HEATR4: variants seen among roughly 807,000 people sequenced by gnomAD.
HEATR4 encodes HEAT repeat-containing protein 4.
Under a neutral mutation model 108.8 loss-of-function variants are expected in HEATR4, and 95 were observed. The ratio of observed to expected loss-of-function variants is 0.87; its 90% CI spans 0.74 to 1.04. HEATR4 has a LOEUF of 1.04. HEATR4 is among the 50% of genes least tolerant of loss of function. The pLI is 0.00. For synonymous variants in HEATR4, 443 were observed against 459.4 expected (o/e 0.96, Z 0.46); for missense variants, 1,152 against 1,253.8 (o/e 0.92, Z 1.23).
At chr14:73,612,535 C>T in the HEATR4 span, 1 of 1,234,878 alleles carries the variant, frequency 8.1e-7, no homozygotes, top group Non-Finnish European at 1.0e-6. Flanking sequence ...CCACTGACTC[C>T]GCGGAGCTGG....
At chr14:73,515,090 A>C (rs1007898247) in intron 5 of HEATR4, among the ~76,000 whole-genome samples, 1 of 151,998 alleles carries the variant, frequency 6.6e-6, no homozygotes, top group Non-Finnish European at 1.5e-5. Context: ...ACAAAAAAAA[A>C]ACTATAGTTA....
the HEATR4 span, among the ~76,000 whole-genome samples, chr14:73,616,379 G>C: frequency 6.6e-6 from 1 of 151,980 alleles, no homozygotes; most frequent in African/African-American, 2.4e-5. Context: ...GTGCAGTGGT[G>C]TGACAATAAT....
chr14:73,610,581 G>A, the HEATR4 span, among the ~76,000 whole-genome samples: 8 of 152,056 alleles, frequency 5.3e-5, no homozygotes, highest in Non-Finnish European at 8.8e-5. Context: ...ATTAGCCACC[G>A]TGCCCGACCA....
chr14:73,510,584 T>G (rs1329027363), intron 7 of HEATR4, among the ~76,000 whole-genome samples: 1 of 152,132 alleles, frequency 6.6e-6, no homozygotes, highest in Non-Finnish European at 1.5e-5. Context: ...TACAGGCACC[T>G]GTCACCACGC....
At chr14:73,618,143 CA>C in the HEATR4 span, among the ~76,000 whole-genome samples, 4 of 150,008 alleles carry the variant, frequency 2.7e-5, no homozygotes, top group Non-Finnish European at 4.4e-5. Flanking sequence ...AACCCCATCT[CA>C]AAAAAAAACC....
chr14:73,518,760 C>T (rs981482823), intron 5 of HEATR4, among the ~76,000 whole-genome samples: 5 of 152,144 alleles, frequency 3.3e-5, no homozygotes, highest in Admixed American at 6.6e-5. Context: ...TTATTGGTAA[C>T]TAGTGGCCCT....
chr14:73,539,192 C>T (rs1888988011), intron 1 of HEATR4: 1 of 114,504 alleles, frequency 8.7e-6, no homozygotes, highest in African/African-American at 2.8e-5. Flanking sequence ...GCTCCAGCTG[C>T]AGCTGCTGCC....
the HEATR4 span, among the ~76,000 whole-genome samples, chr14:73,621,169 C>T: frequency 1.3e-5 from 2 of 152,022 alleles, no homozygotes; most frequent in Non-Finnish European, 2.9e-5. Flanking sequence ...GCCGAGATCG[C>T]GCCACTGCCC....
At chr14:73,550,295 T>G (rs1455460935) in intron 1 of HEATR4, among the ~76,000 whole-genome samples, 1 of 112,544 alleles carries the variant, frequency 8.9e-6, no homozygotes, top group East Asian at 7.2e-4. Flanking sequence ...GTCAACACAG[T>G]GAGCCTCAGC....
chr14:73,590,068 C>T, the HEATR4 span, among the ~76,000 whole-genome samples: 1 of 152,144 alleles, frequency 6.6e-6, no homozygotes, highest in African/African-American at 2.4e-5. Context: ...CTAAATAGAA[C>T]AAACCTTCCC....
intron 1 of HEATR4, among the ~76,000 whole-genome samples, chr14:73,549,288 C>T (rs1326889343): frequency 8.8e-6 from 1 of 114,132 alleles, no homozygotes; most frequent in African/African-American, 2.8e-5. Flanking sequence ...GTGTGTGTAT[C>T]TCAGGGGCGT....
the HEATR4 span, among the ~76,000 whole-genome samples, chr14:73,572,474 G>A: frequency 1.3e-5 from 2 of 151,700 alleles, no homozygotes; most frequent in Non-Finnish European, 2.9e-5. Context: ...AAATATTAAG[G>A]TACATAATCT....
intron 2 of HEATR4, chr14:73,527,319 G>A (rs1888397171): frequency 6.6e-6 from 1 of 151,894 alleles, no homozygotes; most frequent in African/African-American, 2.4e-5. Context: ...TAAGGCACCA[G>A]TGACCAATCC....
chr14:73,508,733 G>A (rs1316816932), intron 8 of HEATR4, among the ~76,000 whole-genome samples: 1 of 119,334 alleles, frequency 8.4e-6, no homozygotes. Context: ...CCTGGGCAAC[G>A]AGAGTGAAAC....
the HEATR4 span, among the ~76,000 whole-genome samples, chr14:73,602,272 G>C: frequency 2.0e-5 from 3 of 152,104 alleles, no homozygotes; most frequent in Admixed American, 6.6e-5. Flanking sequence ...AGCCAAAAAG[G>C]TCAAAGGGAT....
In HEATR4 at chr14:73,545,621, C is replaced by T. The variant is rs1889218883; in HGVS notation, c.-152+13130G>A. ...GGACAGTTGCTCATAGCTGGCCTGG[C>T]CAAGTCCCACCCCAAGATGCCAGGC... is the stretch of plus-strand genomic sequence containing the variant. On this transcript the variant is annotated intron_variant, in intron 1 of 17. Coordinates refer to ENST00000553558, the MANE Select transcript of HEATR4 (RefSeq NM_001220484.1). Among the ~76,000 whole-genome samples the T allele has an allele frequency of 4.0e-5, 3 of 74,934 alleles. 1 individual carries two copies. Among genetic ancestry groups the T allele is most frequent in the Non-Finnish European group, 8.5e-5 (3 of 35,310 alleles). The allele number at this position is 74,934 out of a possible 152,430, so 49.2% of individuals were successfully genotyped here. A position where few individuals can be genotyped will look rare whatever the true frequency, so the allele number is the denominator to read the frequency against.
chr14:73,590,515 G>C, the HEATR4 span, among the ~76,000 whole-genome samples: 2 of 152,238 alleles, frequency 1.3e-5, no homozygotes, highest in Non-Finnish European at 2.9e-5. Context: ...GGGACTGGGC[G>C]TTAGTGGAGC....
the HEATR4 span, among the ~76,000 whole-genome samples, chr14:73,587,925 T>A: frequency 1.2e-4 from 18 of 152,312 alleles, no homozygotes; most frequent in East Asian, 3.3e-3. Flanking sequence ...CTTCTTAAAG[T>A]CAGTCTCCAA....
intron 5 of HEATR4, 31 bp downstream of exon 5, chr14:73,518,992 C>G: frequency 6.3e-7 from 1 of 1,595,998 alleles, no homozygotes; most frequent in Non-Finnish European, 8.5e-7. Flanking sequence ...CCGTTATTAA[C>G]CCCTGCCTTC....
Sources: allele counts gnomAD v4.1 joint callset (sites outside exome capture counted in the v4.1 genomes callset), GRCh38; gene constraint gnomAD v4.1.1; transcripts MANE v1.5; gene names NCBI Gene and HGNC (gene_info 2026-07-23, HGNC 2026-07-21).